TLN2: variants seen among roughly 807,000 people sequenced by gnomAD.
TLN2 encodes talin 2.
Under a neutral mutation model 294.7 loss-of-function variants are expected in TLN2, and 118 were observed. The ratio of observed to expected loss-of-function variants is 0.40; its 90% CI spans 0.34 to 0.47. The LOEUF is 0.47. Ranked by LOEUF, TLN2 falls within the 20% of genes least tolerant of loss-of-function variation. The pLI is 0.84. For synonymous variants in TLN2, 1,431 were observed against 1,304.5 expected, an observed-to-expected ratio of 1.10 and a Z score of -2.09; for missense variants, 3,083 against 3,282.2, an observed-to-expected ratio of 0.94 and a Z score of 1.48.
chr15:62,722,609 T>C (rs1195868554), intron 26 of TLN2, 122 bp downstream of exon 26: 3 of 1,272,984 alleles, frequency 2.4e-6, no homozygotes, highest in African/African-American at 2.9e-5. Flanking sequence ...TCTACTTGCA[T>C]GACTATTAAA....
At chr15:62,838,791 T>G in intron 57 of TLN2, 65 bp from the exon 58 acceptor site, 1 of 1,586,984 alleles carries the variant, frequency 6.3e-7, no homozygotes, top group Non-Finnish European at 8.6e-7. Flanking sequence ...TACCTTCATG[T>G]CTATTCTTGC....
At chr15:62,727,380 T>C (rs1232258098) in intron 28 of TLN2, among the ~76,000 whole-genome samples, 191 bp downstream of exon 28, 3 of 152,184 alleles carry the variant, frequency 2.0e-5, no homozygotes. Flanking sequence ...TAAATTGTGA[T>C]TCCCCCAAAC....
intron 1 of TLN2, among the ~76,000 whole-genome samples, chr15:62,499,966 C>T (rs1437134061): frequency 6.6e-6 from 1 of 152,114 alleles, no homozygotes; most frequent in African/African-American, 2.4e-5. Flanking sequence ...AAAAAACAGT[C>T]AAAATTACAA....
At chr15:62,580,402 ACCTC>A (rs149866384) in intron 1 of TLN2, among the ~76,000 whole-genome samples, 16,049 of 132,366 alleles carry the variant, frequency 0.12, 1,281 homozygotes, top group African/African-American at 0.17. Flanking sequence ...TCCCCTCTCT[ACCTC>A]CCTCCCTCCC....
At chr15:62,711,351 G>T (rs2059419658) in intron 21 of TLN2, among the ~76,000 whole-genome samples, 1 of 152,182 alleles carries the variant, frequency 6.6e-6, no homozygotes, top group South Asian at 2.1e-4. Flanking sequence ...GAGAAAATTG[G>T]CAGAGAAAAC....
intron 1 of TLN2, among the ~76,000 whole-genome samples, chr15:62,412,081 T>C (rs2033809699): frequency 6.6e-6 from 1 of 151,350 alleles, no homozygotes; most frequent in African/African-American, 2.4e-5. Context: ...CATAAGTCTC[T>C]TTGTCCCTGC....
At chr15:62,502,020 C>T (rs190250876) in intron 1 of TLN2, among the ~76,000 whole-genome samples, 78 of 152,234 alleles carry the variant, frequency 5.1e-4, no homozygotes, top group African/African-American at 1.6e-3. Flanking sequence ...TGACCTTCCT[C>T]GCTCTCTTTG....
intron 1 of TLN2, among the ~76,000 whole-genome samples, chr15:62,458,125 T>TTGC (rs1225343323): frequency 6.6e-6 from 1 of 152,152 alleles, no homozygotes; most frequent in East Asian, 1.9e-4. Context: ...AGAGCCTTTA[T>TTGC]TGCTGGTGGC....
At chr15:62,669,998 C>T (rs898925553) in intron 9 of TLN2, among the ~76,000 whole-genome samples, 1 of 152,170 alleles carries the variant, frequency 6.6e-6, no homozygotes, top group African/African-American at 2.4e-5. Flanking sequence ...GAGGCAGATT[C>T]GGATGGGCTG....
At chr15:62,492,018 T>C (rs575941013) in intron 1 of TLN2, among the ~76,000 whole-genome samples, 2 of 152,300 alleles carry the variant, frequency 1.3e-5, no homozygotes, top group Non-Finnish European at 2.9e-5. Flanking sequence ...TATATACATA[T>C]GTATTTTAAT....
At position 62,791,142 on chromosome 15, in the gene TLN2, T is replaced by A. The variant is rs575797062; in HGVS notation, c.5737-1499T>A. On this transcript the variant is annotated intron_variant, in intron 45 of 58. Coordinates refer to ENST00000636159, the MANE Select transcript of TLN2 (RefSeq NM_015059.3). The stretch of plus-strand genomic sequence containing the variant: ...TGGACGGATCACCTGAGGTCAGGAG[T>A]TCGAGACCAGCCTGGCCAACATGGT... Among the ~76,000 whole-genome samples, 13 of 151,346 alleles carry A rather than the reference T, an allele frequency of 8.6e-5. No individual in the cohort carries two copies. The South Asian group carries it at 1.1e-3, about 12-fold the overall frequency.
Position 62,456,065 on chromosome 15 carries a change from T to TAA in TLN2, c.-238+65395_-238+65396dup, listed in dbSNP as rs778821800. On this transcript the variant is annotated intron_variant, in intron 1 of 58. Transcript: ENST00000636159. ...CTGCTGGGTGACAGAGTAAGACTCT[T>TAA]AAAAAAAAAAAAAAAAGAACCTTAC... Among the ~76,000 whole-genome samples, 239 of 133,232 alleles carry TAA rather than the reference T, an allele frequency of 1.8e-3. 1 individual carries two copies. The highest frequency in any genetic ancestry group is 6.1e-3 in the African/African-American group (221 of 36,268). 87.4% of individuals were successfully genotyped at this position (133,232 alleles called of 152,430 possible).
chr15:62,433,695 C>T (rs2035139523), intron 1 of TLN2, among the ~76,000 whole-genome samples: 2 of 152,124 alleles, frequency 1.3e-5, no homozygotes, highest in Non-Finnish European at 2.9e-5. Context: ...CTAATCTTAT[C>T]ATACCTGCCT....
At chr15:62,839,092 C>G in intron 58 of TLN2, 111 bp downstream of exon 58, 1 of 1,400,976 alleles carries the variant, frequency 7.1e-7, no homozygotes, top group Non-Finnish European at 9.7e-7. Flanking sequence ...CCTCGTGTAC[C>G]AGAGATGGTG....
chr15:62,654,316 T>C (rs2140951090), intron 7 of TLN2, among the ~76,000 whole-genome samples: 1 of 152,290 alleles, frequency 6.6e-6, no homozygotes, highest in South Asian at 2.1e-4. Context: ...ATTTAAATGT[T>C]TGTGTTTATT....
chr15:62,484,270 T>G (rs778358291), intron 1 of TLN2, among the ~76,000 whole-genome samples: 4 of 152,136 alleles, frequency 2.6e-5, no homozygotes, highest in Non-Finnish European at 1.5e-5. Context: ...TAGTCAAAAC[T>G]GAGCAAATTT....
At chr15:62,611,073 C>T (rs576017000) in intron 2 of TLN2, among the ~76,000 whole-genome samples, 3 of 152,148 alleles carry the variant, frequency 2.0e-5, no homozygotes, top group African/African-American at 4.8e-5. Flanking sequence ...AGGGAAGAGC[C>T]GTGGGCAAGA....
Position 62,744,404 on chromosome 15 carries a change from ATTTTTTT to A in TLN2, c.4025+3651_4025+3657del, listed in dbSNP as rs71131126. On this transcript the variant is annotated intron_variant, in intron 32 of 58. Transcript: ENST00000636159. ...TAAAAGATTATTTTTGTTATTTTTAATTTTTTTTTTTTTTTTTTTTTTAAAGAGAGGC... is the reference window on the plus strand; with the variant it reads ...TAAAAGATTATTTTTGTTATTTTTAATTTTTTTTTTTTTTTAAAGAGAGGC... Among the ~76,000 whole-genome samples the A allele has an allele frequency of 5.4e-3, 676 of 125,032 alleles. 3 individuals carry two copies. The highest frequency in any genetic ancestry group is 0.019 in the African/African-American group (636 of 33,308). 82.0% of individuals were successfully genotyped at this position (125,032 alleles called of 152,430 possible).
intron 9 of TLN2, among the ~76,000 whole-genome samples, chr15:62,673,524 T>C (rs2055743989): frequency 6.7e-6 from 1 of 150,256 alleles, no homozygotes; most frequent in Non-Finnish European, 1.5e-5. Context: ...AATATTTCCT[T>C]TGTTTCTTAC....
Sources: gnomAD v4.1 joint callset for allele counts (sites outside exome capture counted in the v4.1 genomes callset) on GRCh38, gnomAD v4.1.1 for gene constraint, MANE v1.5 for transcripts, NCBI Gene and HGNC (gene_info 2026-07-23, HGNC 2026-07-21) for gene names.